The following MRC2 variants were observed in gnomAD, a reference collection of about 807,000 sequenced individuals.
MRC2 encodes mannose receptor C-type 2.
Under a neutral mutation model 206.2 loss-of-function variants are expected in MRC2, and 84 were observed. That is an observed-to-expected ratio of 0.41 (90% confidence interval 0.34 to 0.49). The LOEUF is 0.49. Among genes scored for constraint, MRC2 ranks in the 20% least tolerant of loss-of-function variants. The probability of loss-of-function intolerance (pLI) is 0.31; values close to 1 mark genes in which losing one functional copy is unlikely to be tolerated. For synonymous variants in MRC2, 798 were observed against 800.0 expected, an observed-to-expected ratio of 1.00 and a Z score of 0.04; for missense variants, 1,676 against 2,001.5, an observed-to-expected ratio of 0.84 and a Z score of 3.10.
chr17:62,666,420 A>AG lies in MRC2; in HGVS notation c.695-30dup, dbSNP rs1390707504. The AG allele has an allele frequency of 6.2e-7, 1 of 1,612,820 alleles. No homozygotes were observed. Among genetic ancestry groups the AG allele is most frequent in the Non-Finnish European group, 8.5e-7 (1 of 1,179,798 alleles). On this transcript the variant is annotated intron_variant, in intron 3 of 29. Transcript: ENST00000303375. The surrounding 1 kb of genome is among the most constrained non-coding windows in gnomAD (Gnocchi z 5.0). ...GGTCTGCACTCCCGAGGGACCCTGG[A>AG]GGGGGCCTGAAGGAGAGGGCTGTCG...
rs143405428 is a variant in MRC2 at position 62,690,232 on chromosome 17, C to T, written c.3819C>T (p.Phe1273=). The T allele has an allele frequency of 5.4e-5, 87 of 1,613,368 alleles. No individual in the cohort carries two copies. The highest frequency in any genetic ancestry group is 8.0e-5 in the African/African-American group (6 of 74,942). The change falls in exon 26 of 30, where the codon TTC becomes TTT. Residue 1273 remains phenylalanine (F), a synonymous_variant. Coordinates refer to ENST00000303375, the MANE Select transcript of MRC2 (RefSeq NM_006039.5). ...TGGCAGACTCCGCGTGGATTCCCTT[C>T]CGGGAGCACTGCTATTCTTTCCACA... ...QGLADSAWIP[F]REHCYSFHME...
At chr17:62,648,509 T>G (rs954395584) in intron 1 of MRC2, among the ~76,000 whole-genome samples, 1 of 152,192 alleles carries the variant, frequency 6.6e-6, no homozygotes, top group African/African-American at 2.4e-5. Context: ...TGGAGTTTAT[T>G]TCTGCAGAAC....
In MRC2 at chr17:62,671,807, C is replaced by A; in HGVS notation, c.1276C>A (p.Leu426Met). The A allele has an allele frequency of 1.2e-6, 2 of 1,605,770 alleles. No individual in the cohort carries two copies. The highest frequency in any genetic ancestry group is 1.7e-6 in the Non-Finnish European group (2 of 1,174,554). Residue 426 changes from leucine to methionine, a missense_variant, in exon 7 of 30, where the codon CTG becomes ATG. Transcript: ENST00000303375. The surrounding 1 kb of genome is among the most constrained non-coding windows in gnomAD (Gnocchi z 4.5). ...GGTCAGCATCCACAGCATGGCGGAG[C>A]TGGAATTCATCACCAAGCAGATCAA... The part of the protein sequence containing the change: ...DLVSIHSMAE[L>M]EFITKQIKQE...
chr17:62,629,975 G>A (rs945886921), intron 1 of MRC2, among the ~76,000 whole-genome samples: 1 of 152,230 alleles, frequency 6.6e-6, no homozygotes, highest in African/African-American at 2.4e-5. Flanking sequence ...TTCTTGGTGC[G>A]TGATGGTGGA....
chr17:62,666,444 C>T lies in MRC2; in HGVS notation c.695-11C>T, dbSNP rs1373797292. On this transcript the variant is annotated splice_polypyrimidine_tract_variant and intron_variant, in intron 3 of 29. Coordinates refer to ENST00000303375, the MANE Select transcript of MRC2 (RefSeq NM_006039.5). The surrounding 1 kb of genome is among the most constrained non-coding windows in gnomAD (Gnocchi z 5.0). ...GAGGGGGCCTGAAGGAGAGGGCTGTCGTGGTGGCAGGTAACGACTGCGAGA... is the reference window on the plus strand; with the variant it reads ...GAGGGGGCCTGAAGGAGAGGGCTGTTGTGGTGGCAGGTAACGACTGCGAGA... The T allele has an allele frequency of 3.7e-6, 6 of 1,613,738 alleles. No homozygotes were observed. The East Asian group carries it at 8.9e-5, about 24-fold the overall frequency.
intron 1 of MRC2, among the ~76,000 whole-genome samples, chr17:62,629,523 A>G (rs368658400): frequency 8.1e-4 from 123 of 152,158 alleles, no homozygotes; most frequent in African/African-American, 2.8e-3. Context: ...CATTGACCAC[A>G]CCCTGAGGAG....
rs1307419827 is a variant in MRC2 at position 62,692,504 on chromosome 17, T to C, written c.*53T>C. The C allele has an allele frequency of 3.3e-6, 5 of 1,496,086 alleles. No homozygotes were observed. The highest frequency in any genetic ancestry group is 3.6e-6 in the Non-Finnish European group (4 of 1,107,240). 92.7% of individuals were successfully genotyped at this position (1,496,086 alleles called of 1,614,324 possible). A position where few individuals can be genotyped will look rare whatever the true frequency, so the allele number is the denominator to read the frequency against. ...GGGAGGAGCTGGGGAGCTGGGGCCC[T>C]GGGTCAGTCTGGCCCCCCACCAGCT... is the stretch of plus-strand genomic sequence containing the variant. On this transcript the variant is annotated 3_prime_UTR_variant, in exon 30 of 30. Transcript: ENST00000303375. This position sits in a 1 kb window ranked among gnomAD's most constrained non-coding sequence, Gnocchi z 4.2.
chr17:62,673,989 C>T (rs1050575010), intron 8 of MRC2, 74 bp from the exon 9 acceptor site: 6 of 1,187,134 alleles, frequency 5.1e-6, no homozygotes, highest in Admixed American at 4.1e-5. Flanking sequence ...GCTCTAGGAA[C>T]CAGATTCCAA....
At chr17:62,633,222 G>A (rs939051344) in intron 1 of MRC2, among the ~76,000 whole-genome samples, 3 of 152,146 alleles carry the variant, frequency 2.0e-5, no homozygotes, top group African/African-American at 7.2e-5. Context: ...GAAGAGAAAG[G>A]GTGGGTGAGG....
intron 1 of MRC2, among the ~76,000 whole-genome samples, chr17:62,657,888 G>A (rs927439653): frequency 6.6e-5 from 10 of 152,016 alleles, no homozygotes; most frequent in Non-Finnish European, 1.2e-4. Context: ...CGGCCACTTC[G>A]GGTGGAAAAT....
chr17:62,649,530 G>A (rs971284174), intron 1 of MRC2, among the ~76,000 whole-genome samples: 2 of 152,216 alleles, frequency 1.3e-5, no homozygotes, highest in Admixed American at 1.3e-4. Context: ...GGTGAAGGCT[G>A]CAGTGAGCCA....
intron 11 of MRC2, 23 bp from the exon 12 acceptor site, chr17:62,677,246 G>A: frequency 1.3e-6 from 2 of 1,548,504 alleles, no homozygotes; most frequent in Non-Finnish European, 1.8e-6. Flanking sequence ...TCAGAGCCTG[G>A]GTCTCCCTTC....
intron 25 of MRC2, 22 bp downstream of exon 25, chr17:62,690,084 C>T (rs762882050): frequency 1.0e-5 from 16 of 1,583,188 alleles, no homozygotes; most frequent in African/African-American, 5.4e-5. Flanking sequence ...CCTGCCAGGG[C>T]GGGGGCATGG....
At chr17:62,642,364 G>A (rs1291208422) in intron 1 of MRC2, among the ~76,000 whole-genome samples, 1 of 152,158 alleles carries the variant, frequency 6.6e-6, no homozygotes, top group South Asian at 2.1e-4. Flanking sequence ...CTTCCATTCT[G>A]TCACACCAAT....
Position 62,675,316 on chromosome 17 carries a change from T to C in MRC2, c.1570-474T>C, listed in dbSNP as rs536348862. ...CAGCCTCGCCTGCCAGGGTCTCGTC[T>C]CTGAGCCCCTCCTGCCATCCCCGGG... On this transcript the variant is annotated intron_variant, in intron 9 of 29. Coordinates refer to ENST00000303375, the MANE Select transcript of MRC2 (RefSeq NM_006039.5). The surrounding 1 kb of genome is among the most constrained non-coding windows in gnomAD (Gnocchi z 4.1). Among the ~76,000 whole-genome samples, 1 of 152,262 alleles carries C rather than the reference T, an allele frequency of 6.6e-6. No homozygotes were observed. Among genetic ancestry groups the C allele is most frequent in the East Asian group, 1.9e-4 (1 of 5,172 alleles).
intron 20 of MRC2, among the ~76,000 whole-genome samples, chr17:62,682,949 G>A (rs888428116): frequency 1.2e-4 from 18 of 151,926 alleles, no homozygotes; most frequent in South Asian, 4.2e-4. Context: ...CCTGATTGCC[G>A]GCCTGATTAT....
rs1447085261 is a variant in MRC2 at position 62,629,271 on chromosome 17, C to A, written c.118+1351C>A. On this transcript the variant is annotated intron_variant, in intron 1 of 29. Coordinates refer to ENST00000303375, the MANE Select transcript of MRC2 (RefSeq NM_006039.5). Reference sequence around the variant, plus strand: ...GAAGGGGTGGGGAGGATGGCCATTCCCAGAGCTCCAGAGCACACTTTAAAG... The same window carrying A: ...GAAGGGGTGGGGAGGATGGCCATTCACAGAGCTCCAGAGCACACTTTAAAG... Among the ~76,000 whole-genome samples, 4 of 152,222 alleles carry A rather than the reference C, an allele frequency of 2.6e-5. No homozygotes were observed. The East Asian group carries it at 7.7e-4, about 29-fold the overall frequency.
intron 1 of MRC2, among the ~76,000 whole-genome samples, chr17:62,655,034 C>G (rs2088599809): frequency 6.6e-6 from 1 of 152,176 alleles, no homozygotes; most frequent in African/African-American, 2.4e-5. Flanking sequence ...ACCTGTAATC[C>G]CAGCACTTTG....
intron 1 of MRC2, among the ~76,000 whole-genome samples, chr17:62,663,614 A>G (rs1446585078): frequency 6.6e-6 from 1 of 152,132 alleles, no homozygotes; most frequent in Non-Finnish European, 1.5e-5. Context: ...TGACTTCTAC[A>G]GAGGGTGCCT....
Sources: allele counts gnomAD v4.1 joint callset (sites outside exome capture counted in the v4.1 genomes callset), GRCh38; gene constraint gnomAD v4.1.1; non-coding constraint Gnocchi (gnomAD v3.1); transcripts MANE v1.5; gene names NCBI Gene and HGNC (gene_info 2026-07-23, HGNC 2026-07-21).